The following FERMT2 variants were observed in gnomAD, a reference collection of about 807,000 sequenced individuals.
FERMT2 encodes FERM domain containing kindlin 2.
A neutral mutation model predicts 82.7 loss-of-function variants in FERMT2; 15 were observed. That is an observed-to-expected ratio of 0.18 (90% CI 0.12 to 0.28). The LOEUF is 0.28. Among genes scored for constraint, FERMT2 ranks in the 10% least tolerant of loss-of-function variants. The probability of loss-of-function intolerance (pLI) is 1.00; values close to 1 mark genes in which losing one functional copy is unlikely to be tolerated. For missense variants in FERMT2, 645 were observed against 809.4 expected (o/e 0.80, Z 2.46); for synonymous variants, 274 against 271.5 (o/e 1.01, Z -0.09).
chr14:52,864,971 T>C, intron 10 of FERMT2, 118 bp from the exon 11 acceptor site: 1 of 656,420 alleles, frequency 1.5e-6, no homozygotes, highest in South Asian at 1.9e-5. Context: ...TAGTATTTTA[T>C]GAAGGCATCT....
intron 3 of FERMT2, among the ~76,000 whole-genome samples, chr14:52,899,833 G>A (rs529743728): frequency 1.0e-3 from 158 of 152,286 alleles, no homozygotes; most frequent in African/African-American, 3.7e-3. Flanking sequence ...CTTGTATCAA[G>A]AAGTAATTAA....
chr14:52,927,619 A>AAAAAAAAC (rs1889356112), intron 2 of FERMT2, among the ~76,000 whole-genome samples: 1 of 148,888 alleles, frequency 6.7e-6, no homozygotes, highest in African/African-American at 2.5e-5. Flanking sequence ...AAAAAAAAAA[A>AAAAAAAAC]AAAATCCAGG....
chr14:52,861,106 C>T (rs547857008), intron 12 of FERMT2: 94 of 1,378,572 alleles, frequency 6.8e-5, no homozygotes, highest in Middle Eastern at 1.8e-4. Flanking sequence ...AAAATGGCAA[C>T]GAAGCAAAGA....
Position 52,928,108 on chromosome 14 carries a change from G to A in FERMT2, c.158-8752C>T, listed in dbSNP as rs546656725. On this transcript the variant is annotated intron_variant, in intron 2 of 14. Coordinates refer to ENST00000341590, the MANE Select transcript of FERMT2 (RefSeq NM_006832.3). The stretch of plus-strand genomic sequence containing the variant: ...AGGAGGTTAAAATATTACTTTTAGG[G>A]AGGATAAATTTCTAGTTGCATATTT... 537 of 260,448 alleles carry A rather than the reference G, an allele frequency of 2.1e-3. 4 individuals carry two copies. The highest frequency in any genetic ancestry group is 0.011 in the African/African-American group (483 of 45,790). The allele number at this position is 260,448 out of a possible 1,614,324, so 16.1% of individuals were successfully genotyped here. A position where few individuals can be genotyped will look rare whatever the true frequency, so the allele number is the denominator to read the frequency against.
At chr14:52,858,747 C>CTT (rs574996852) in intron 14 of FERMT2, 197 bp from the exon 15 acceptor site, 2 of 504,300 alleles carry the variant, frequency 4.0e-6, no homozygotes, top group African/African-American at 3.8e-5. Context: ...TTCCCCTACA[C>CTT]TTTAAGTTTT....
chr14:52,901,075 G>A (rs8009956), intron 3 of FERMT2, among the ~76,000 whole-genome samples: 111,899 of 138,548 alleles, frequency 0.81, 45,370 homozygotes, highest in East Asian at 1. Flanking sequence ...CCTGACTAAC[G>A]TGGTGAAACC....
rs142779019 is a variant in FERMT2, at chr14:52,942,358, A to C, written c.157+8054T>G. Among the ~76,000 whole-genome samples the C allele has an allele frequency of 3.1e-3, 453 of 146,390 alleles. 1 individual carries two copies. Among genetic ancestry groups the C allele is most frequent in the Admixed American group, 6.9e-3 (99 of 14,376 alleles). ...TGCTCTGTCACCCAGGCTGGAGTGC[A>C]GTGGCGCGATCCCGGCTCACTGCAA... On this transcript the variant is annotated intron_variant, in intron 2 of 14. Coordinates refer to ENST00000341590, the MANE Select transcript of FERMT2 (RefSeq NM_006832.3).
At chr14:52,870,248 C>T (rs1166049095) in intron 10 of FERMT2, among the ~76,000 whole-genome samples, 6 of 138,830 alleles carry the variant, frequency 4.3e-5, no homozygotes, top group Non-Finnish European at 7.9e-5. Context: ...TACAAGTGTA[C>T]TTTTTTTTTT....
chr14:52,932,285 G>C (rs1889625527), intron 2 of FERMT2, among the ~76,000 whole-genome samples: 1 of 152,036 alleles, frequency 6.6e-6, no homozygotes, highest in African/African-American at 2.4e-5. Context: ...TTGAATATGA[G>C]GCCAAAAGAC....
At chr14:52,902,821 G>T (rs576831341) in intron 3 of FERMT2, among the ~76,000 whole-genome samples, 2 of 122,858 alleles carry the variant, frequency 1.6e-5, no homozygotes, top group East Asian at 5.4e-4. Context: ...GTGAGCTGGG[G>T]TCACACCACT....
At chr14:52,904,029 A>G (rs1051248637) in intron 3 of FERMT2, among the ~76,000 whole-genome samples, 28 of 152,262 alleles carry the variant, frequency 1.8e-4, no homozygotes, top group Non-Finnish European at 3.5e-4. Flanking sequence ...ATGTTGCAAA[A>G]GCAGCAAATG....
At chr14:52,891,478 A>C (rs185074399) in intron 4 of FERMT2, among the ~76,000 whole-genome samples, 166 of 152,274 alleles carry the variant, frequency 1.1e-3, no homozygotes, top group Admixed American at 2.2e-3. Context: ...AAAAGTTAGA[A>C]GGCTTGTGAC....
chr14:52,949,578 C>G (rs1890520652), intron 2 of FERMT2, among the ~76,000 whole-genome samples: 1 of 152,110 alleles, frequency 6.6e-6, no homozygotes, highest in Non-Finnish European at 1.5e-5. Context: ...ATCAAATCAT[C>G]TATTTAGCTG....
chr14:52,935,153 C>T (rs968924375), intron 2 of FERMT2, among the ~76,000 whole-genome samples: 4 of 152,102 alleles, frequency 2.6e-5, no homozygotes, highest in Non-Finnish European at 5.9e-5. Context: ...ATTGCAACGT[C>T]CAAAGTGCTG....
At chr14:52,914,686 G>A (rs1194417932) in intron 3 of FERMT2, among the ~76,000 whole-genome samples, 4 of 152,184 alleles carry the variant, frequency 2.6e-5, no homozygotes, top group Non-Finnish European at 2.9e-5. Flanking sequence ...TTGGGAGGCC[G>A]AGGCAGGCGG....
chr14:52,913,769 C>T (rs749247225), intron 3 of FERMT2, among the ~76,000 whole-genome samples: 4 of 151,304 alleles, frequency 2.6e-5, no homozygotes, highest in African/African-American at 9.7e-5. Context: ...GCAGTGTTAG[C>T]GTAACAACCT....
At chr14:52,929,856 T>C (rs1048811668) in intron 2 of FERMT2, among the ~76,000 whole-genome samples, 6 of 152,194 alleles carry the variant, frequency 3.9e-5, no homozygotes, top group African/African-American at 1.4e-4. Flanking sequence ...TCTTTCCTAA[T>C]AGATTATAAA....
intron 3 of FERMT2, among the ~76,000 whole-genome samples, chr14:52,903,895 G>A (rs1481021733): frequency 6.6e-6 from 1 of 152,156 alleles, no homozygotes; most frequent in Non-Finnish European, 1.5e-5. Flanking sequence ...TCACCCCAGA[G>A]TGCAAGAGGA....
At chr14:52,869,357 T>C (rs1420624749) in intron 10 of FERMT2, among the ~76,000 whole-genome samples, 1 of 152,234 alleles carries the variant, frequency 6.6e-6, no homozygotes, top group African/African-American at 2.4e-5. Flanking sequence ...TTTAAGTGAC[T>C]ACTAGGCAGA....
Sources: gnomAD v4.1 joint callset for allele counts (sites outside exome capture counted in the v4.1 genomes callset) on GRCh38, gnomAD v4.1.1 for gene constraint, MANE v1.5 for transcripts, NCBI Gene and HGNC (gene_info 2026-07-23, HGNC 2026-07-21) for gene names.